The following SETD4 variants were observed in gnomAD, a reference collection of about 807,000 sequenced individuals.
The protein encoded by SETD4 is SET domain-containing protein 4.
In SETD4, 46 loss-of-function variants were observed where a neutral mutation model predicts 58.3. That is an observed-to-expected ratio of 0.79 (90% CI 0.62 to 1.01). The LOEUF is 1.01. Ranked by LOEUF, SETD4 falls within the 50% of genes least tolerant of loss-of-function variation. SETD4 has a pLI of 0.00. For synonymous variants in SETD4, 190 were observed against 202.6 expected (o/e 0.94, Z 0.53); for missense variants, 490 against 523.3 (o/e 0.94, Z 0.62).
chr21:36,042,009 C>A (rs2064089127), intron 7 of SETD4, 121 bp from the exon 8 acceptor site: 1 of 554,652 alleles, frequency 1.8e-6, no homozygotes, highest in Non-Finnish European at 3.2e-6. Flanking sequence ...AACAGTTCCA[C>A]CTAATTCACA....
Position 36,057,364 on chromosome 21 carries a change from G to A in SETD4, c.74-160C>T, listed in dbSNP as rs117181117. 1,460 of 736,630 alleles carry A rather than the reference G, an allele frequency of 2.0e-3. 1 individual carries two copies. Among genetic ancestry groups the A allele is most frequent in the Non-Finnish European group, 2.6e-3 (1,041 of 402,708 alleles). The allele number at this position is 736,630 out of a possible 1,614,324, so 45.6% of individuals were successfully genotyped here. A position where few individuals can be genotyped will look rare whatever the true frequency, so the allele number is the denominator to read the frequency against. On this transcript the variant is annotated intron_variant, in intron 2 of 11. Coordinates refer to ENST00000332131, the MANE Select transcript of SETD4 (RefSeq NM_017438.5). The stretch of plus-strand genomic sequence containing the variant: ...AAAGTTACAATAAAAACACAGTATT[G>A]GCCAGGCGCAATGACTCACTTCTGT...
At chr21:36,039,577 A>T (rs769835303) in intron 9 of SETD4, among the ~76,000 whole-genome samples, 1 of 152,208 alleles carries the variant, frequency 6.6e-6, no homozygotes, top group African/African-American at 2.4e-5. Context: ...AAAAGACAAG[A>T]CACTGCAGGA....
At chr21:36,050,927 G>A (rs778357734) in intron 4 of SETD4, 399 of 1,609,966 alleles carry the variant, frequency 2.5e-4, no homozygotes, top group Non-Finnish European at 3.3e-4. Context: ...GTGTGGGGAT[G>A]ATGTGTTCAT....
At chr21:36,050,738 G>A (rs187801797) in intron 4 of SETD4, 29 of 1,612,512 alleles carry the variant, frequency 1.8e-5, no homozygotes, top group Middle Eastern at 3.3e-4. Context: ...CTCGAGATAA[G>A]CACCATTTGG....
In SETD4 at chr21:36,058,839, CAG is replaced by C. The variant is rs746188008; in HGVS notation, c.48_49del (p.Cys17ArgfsTer4). 5 of 1,601,914 alleles carry C rather than the reference CAG, an allele frequency of 3.1e-6. No homozygotes were observed. The highest frequency in any genetic ancestry group is 3.5e-5 in the Admixed American group (2 of 57,622). On this transcript the variant is annotated frameshift_variant, in exon 2 of 12. Coordinates refer to ENST00000332131, the MANE Select transcript of SETD4 (RefSeq NM_017438.5). LOFTEE classifies it high-confidence loss of function. ...ACCTCCTCTTGATTCAGAACTTCCG[CAG>C]AGTTTTCGTCTTCTGATCCGGCTTG...
intron 7 of SETD4, 117 bp from the exon 8 acceptor site, chr21:36,042,005 T>G (rs1258739453): frequency 7.2e-6 from 4 of 558,790 alleles, no homozygotes; most frequent in Non-Finnish European, 1.3e-5. Flanking sequence ...CATAAACAGT[T>G]CCACCTAATT....
rs1327832539 is a variant in SETD4 at position 36,035,047 on chromosome 21, A to T, written c.*946T>A. 6.6e-6 allele frequency: 1 copy of T among 152,174 alleles called. No homozygotes were observed. The highest frequency in any genetic ancestry group is 2.4e-5 in the African/African-American group (1 of 41,434). 9.4% of individuals were successfully genotyped at this position (152,174 alleles called of 1,614,324 possible). On this transcript the variant is annotated 3_prime_UTR_variant, in exon 12 of 12. Transcript: ENST00000332131. ...TAGGCTCCAATGAGAAAGGAATTTGAGTTCTTGGGAAGAATGAACCCTGGG... is the reference window on the plus strand; with the variant it reads ...TAGGCTCCAATGAGAAAGGAATTTGTGTTCTTGGGAAGAATGAACCCTGGG...
intron 4 of SETD4, among the ~76,000 whole-genome samples, chr21:36,049,210 G>A (rs907888387): frequency 6.6e-6 from 1 of 152,172 alleles, no homozygotes; most frequent in Non-Finnish European, 1.5e-5. Flanking sequence ...GCATGAAGAA[G>A]CCAGATGTAA....
At chr21:36,045,112 G>A (rs1250182843) in intron 6 of SETD4, among the ~76,000 whole-genome samples, 1 of 152,204 alleles carries the variant, frequency 6.6e-6, no homozygotes. Flanking sequence ...AGGTGACAAA[G>A]AGGAACAAGA....
At position 36,057,218 on chromosome 21, in the gene SETD4, A is replaced by G. The variant is rs1171815623; in HGVS notation, c.74-14T>C. 3.8e-6 allele frequency: 6 copies of G among 1,598,664 alleles called. No individual in the cohort carries two copies. Among genetic ancestry groups the G allele is most frequent in the Non-Finnish European group, 5.1e-6 (6 of 1,165,850 alleles). ...GGCTCTCATTCACTATCAGGCAAGG[A>G]GAGAACAAATGGTGATTAAAACCAC... On this transcript the variant is annotated splice_polypyrimidine_tract_variant and intron_variant, in intron 2 of 11. Transcript: ENST00000332131.
chr21:36,053,955 T>C (rs1180117171), intron 3 of SETD4, among the ~76,000 whole-genome samples: 2 of 152,182 alleles, frequency 1.3e-5, no homozygotes, highest in Non-Finnish European at 1.5e-5. Flanking sequence ...CAAGGTGCTA[T>C]TCCCAATGCC....
rs12627348 is a variant in SETD4 at position 36,055,789 on chromosome 21, T to C, written c.169+1320A>G. Among the ~76,000 whole-genome samples the C allele has an allele frequency of 4.6e-4, 70 of 152,302 alleles. No homozygotes were observed. In the East Asian group the frequency reaches 9.9e-3, roughly 21 times the overall value. On this transcript the variant is annotated intron_variant, in intron 3 of 11. Transcript: ENST00000332131. ...ACTTTTAAAAATAGGAACTCTTTAC[T>C]GCTCCAAATTACAAACAGATGACCT...
At position 36,043,875 on chromosome 21, in the gene SETD4, T is replaced by C; in HGVS notation, c.808A>G (p.Ile270Val). 6.2e-7 allele frequency: 1 copy of C among 1,614,224 alleles called. No individual in the cohort carries two copies. The highest frequency in any genetic ancestry group is 8.5e-7 in the Non-Finnish European group (1 of 1,180,032). The stretch of plus-strand genomic sequence containing the variant: ...TGATTATCGTGAGGGCCGTAACAGA[T>C]GAATACCTCTTCATGCTTTCTCCAA... ...SRWRKHEEVF[I>V]CYGPHDNQRL... The change falls in exon 7 of 12, where the codon ATC becomes GTC. Residue 270 changes from isoleucine (I) to valine (V), a missense_variant. Coordinates refer to ENST00000332131, the MANE Select transcript of SETD4 (RefSeq NM_017438.5).
chr21:36,050,598 C>T, intron 4 of SETD4: 2 of 1,613,200 alleles, frequency 1.2e-6, no homozygotes, highest in Non-Finnish European at 1.7e-6. Flanking sequence ...CCATGGTGTT[C>T]CTCTGCCGGA....
chr21:36,040,654 T>A lies in SETD4; in HGVS notation c.985A>T (p.Asn329Tyr). The A allele has an allele frequency of 6.2e-7, 1 of 1,613,242 alleles. No homozygotes were observed. The highest frequency in any genetic ancestry group is 8.5e-7 in the Non-Finnish European group (1 of 1,179,318). The change falls in exon 9 of 12, where the codon AAT becomes TAT. Residue 329 changes from asparagine (N) to tyrosine (Y), a missense_variant and splice_region_variant. Transcript: ENST00000332131. ...GGTCCATCCCATCCAAATGTCAAAT[T>A]TCTGAAGTAGAAAAACAAATAATGA... ...SILKDHGYIE[N>Y]LTFGWDGPSW...
At chr21:36,050,200 A>G in intron 4 of SETD4, 1 of 1,161,082 alleles carries the variant, frequency 8.6e-7, no homozygotes, top group Non-Finnish European at 1.3e-6. Flanking sequence ...CAGGCAAGGA[A>G]GCACAAGCTG....
intron 4 of SETD4, among the ~76,000 whole-genome samples, chr21:36,052,055 C>T (rs936357811): frequency 6.1e-5 from 9 of 148,566 alleles, no homozygotes; most frequent in Admixed American, 2.7e-4. Context: ...ATGATGAAAA[C>T]ATTAACACGG....
chr21:36,059,103 T>C, intron 1 of SETD4, 179 bp from the exon 2 acceptor site: 1 of 644,722 alleles, frequency 1.6e-6, no homozygotes, highest in African/African-American at 1.9e-5. Context: ...ATGAAACGTT[T>C]ATACTGTGAG....
At chr21:36,036,960 T>C (rs949225340) in intron 10 of SETD4, among the ~76,000 whole-genome samples, 1 of 152,200 alleles carries the variant, frequency 6.6e-6, no homozygotes, top group Non-Finnish European at 1.5e-5. Context: ...TCACTATACA[T>C]GGACTCTAAA....
Sources: allele counts gnomAD v4.1 joint callset (sites outside exome capture counted in the v4.1 genomes callset), GRCh38; gene constraint gnomAD v4.1.1; transcripts MANE v1.5; gene names NCBI Gene and HGNC (gene_info 2026-07-23, HGNC 2026-07-21).